The following RMDN2 variants were observed in gnomAD, a reference collection of about 807,000 sequenced individuals.
The protein encoded by RMDN2 is regulator of microtubule dynamics 2, also known as regulator of microtubule dynamics protein 2.
In RMDN2, 61 loss-of-function variants were observed where a neutral mutation model predicts 52.8. That is an observed-to-expected ratio of 1.16 (90% confidence interval 0.94 to 1.43). The LOEUF (loss-of-function observed/expected upper bound fraction) is 1.43. Among genes scored for constraint, RMDN2 ranks in the 40% most tolerant of loss-of-function variants. The pLI is 0.00. For synonymous variants in RMDN2, 180 were observed against 153.1 expected (o/e 1.18, Z -1.30); for missense variants, 592 against 475.3 (o/e 1.25, Z -2.28).
chr2:37,943,478 T>C (rs1403191824), intron 2 of RMDN2, among the ~76,000 whole-genome samples: 1 of 152,254 alleles, frequency 6.6e-6, no homozygotes, highest in African/African-American at 2.4e-5. Flanking sequence ...TTTATTTATC[T>C]TAAAATGTGG....
intron 10 of RMDN2, among the ~76,000 whole-genome samples, chr2:38,027,902 C>T (rs557065462): frequency 6.6e-6 from 1 of 152,174 alleles, no homozygotes; most frequent in Non-Finnish European, 1.5e-5. Context: ...AGACTGGCCC[C>T]ACCATGTAGA....
chr2:38,039,085 CACACACACAG>C lies in RMDN2; in HGVS notation c.1714-27895_1714-27886del, dbSNP rs777230568. Among the ~76,000 whole-genome samples, 274 of 85,846 alleles carry C rather than the reference CACACACACAG, an allele frequency of 3.2e-3. 4 individuals are homozygous for C. Among genetic ancestry groups the C allele is most frequent in the East Asian group, 0.013 (15 of 1,192 alleles). The allele number at this position is 85,846 out of a possible 152,430, so 56.3% of individuals were successfully genotyped here. On this transcript the variant is annotated intron_variant, in intron 10 of 10. Coordinates refer to the RMDN2 transcript ENST00000234195. ...ACACACACACACACACACACACACA[CACACACACAG>C]AGAGAGAGATAAAATGTTCATGGAT...
chr2:38,004,547 C>T (rs1209801674), intron 10 of RMDN2, among the ~76,000 whole-genome samples: 1 of 152,050 alleles, frequency 6.6e-6, no homozygotes, highest in Non-Finnish European at 1.5e-5. Context: ...TAACTACAGT[C>T]ACATTGCTGT....
chr2:38,016,829 C>G (rs945344912), intron 10 of RMDN2, among the ~76,000 whole-genome samples: 4 of 151,660 alleles, frequency 2.6e-5, no homozygotes, highest in African/African-American at 9.7e-5. Context: ...AGGAAGAAAC[C>G]TGTTGGGAAA....
At chr2:37,962,158 A>G (rs1263717170) in intron 2 of RMDN2, among the ~76,000 whole-genome samples, 1 of 152,202 alleles carries the variant, frequency 6.6e-6, no homozygotes, top group Non-Finnish European at 1.5e-5. Context: ...CCTCGTCCGG[A>G]GGCACAAGGG....
rs182559085 is a variant in RMDN2 at position 37,978,140 on chromosome 2, G to T, written c.730+2826G>T. On this transcript the variant is annotated intron_variant, in intron 4 of 10. Transcript: ENST00000354545. Reference sequence around the variant, plus strand: ...TAGAGACCAGCCCGGCCAACACGGTGAAACCCCGTCTCCACCAAAAAATAC... The same window carrying T: ...TAGAGACCAGCCCGGCCAACACGGTTAAACCCCGTCTCCACCAAAAAATAC... Among the ~76,000 whole-genome samples, 38 of 152,322 alleles carry T rather than the reference G, an allele frequency of 2.5e-4. 1 individual carries two copies. Among genetic ancestry groups the T allele is most frequent in the African/African-American group, 7.9e-4 (33 of 41,574 alleles).
intron 2 of RMDN2, among the ~76,000 whole-genome samples, chr2:37,964,242 C>G (rs1473883639): frequency 6.6e-6 from 1 of 152,194 alleles, no homozygotes; most frequent in Non-Finnish European, 1.5e-5. Context: ...GGCGGAGGGG[C>G]TCCTCCATAC....
intron 10 of RMDN2, among the ~76,000 whole-genome samples, chr2:38,006,055 G>T (rs1427622998): frequency 6.6e-6 from 1 of 152,094 alleles, no homozygotes; most frequent in Non-Finnish European, 1.5e-5. Context: ...CTGTTCCATT[G>T]GTCTATATCT....
intron 2 of RMDN2, among the ~76,000 whole-genome samples, chr2:37,959,856 T>C (rs1380299629): frequency 6.6e-6 from 1 of 151,014 alleles, no homozygotes; most frequent in African/African-American, 2.5e-5. Flanking sequence ...TGTATCTTAG[T>C]TCTCATTGGT....
downstream of RMDN2, among the ~76,000 whole-genome samples, chr2:38,019,648 A>G (rs1679189416): frequency 6.6e-6 from 1 of 152,174 alleles, no homozygotes; most frequent in East Asian, 1.9e-4. Context: ...ATACTGTCAT[A>G]TCTGTATTCC....
downstream of RMDN2, among the ~76,000 whole-genome samples, chr2:38,020,244 A>G (rs1679244252): frequency 6.6e-6 from 1 of 152,214 alleles, no homozygotes; most frequent in Non-Finnish European, 1.5e-5. Flanking sequence ...CATAATGTAG[A>G]ACCAGTGGGA....
chr2:37,933,790 A>AGGGGAGAGGGAGAG (rs775079300), intron 2 of RMDN2, among the ~76,000 whole-genome samples: 24,025 of 151,976 alleles, frequency 0.16, 1,970 homozygotes, highest in Non-Finnish European at 0.17. Context: ...GACCGTGGAA[A>AGGGGAGAGGGAGAG]GGGGAGAGGG....
chr2:38,036,174 C>T (rs1680567319), intron 10 of RMDN2: 1 of 152,194 alleles, frequency 6.6e-6, no homozygotes, highest in Admixed American at 6.5e-5. Flanking sequence ...TGATATGTCA[C>T]CCAGGAGCAT....
chr2:37,926,600 A>T (rs983242491), intron 1 of RMDN2, among the ~76,000 whole-genome samples: 28 of 152,138 alleles, frequency 1.8e-4, no homozygotes, highest in African/African-American at 6.5e-4. Context: ...TAATTACTAT[A>T]TTTTTTTATA....
chr2:37,988,411 C>T (rs989558976), intron 5 of RMDN2, among the ~76,000 whole-genome samples: 3 of 152,078 alleles, frequency 2.0e-5, no homozygotes, highest in African/African-American at 7.2e-5. Flanking sequence ...ATATGGTCCT[C>T]CTCCTTGCTT....
chr2:38,032,202 A>G (rs1424485900), intron 10 of RMDN2, among the ~76,000 whole-genome samples: 2 of 152,208 alleles, frequency 1.3e-5, no homozygotes, highest in Admixed American at 6.5e-5. Flanking sequence ...ACCAACATAT[A>G]GAGCATGACC....
intron 10 of RMDN2, among the ~76,000 whole-genome samples, chr2:38,041,624 ACTGAGAGTTTTTG>A (rs1388073616): frequency 1.3e-5 from 2 of 151,950 alleles, no homozygotes; most frequent in Non-Finnish European, 2.9e-5. Context: ...CCTCCTTTTT[ACTGAGAGTTTTTG>A]CTGAGAGTTT....
At position 38,017,412 on chromosome 2, in the gene RMDN2, T is replaced by C. The variant is rs1320271027; in HGVS notation, c.*173T>C. On this transcript the variant is annotated 3_prime_UTR_variant, in exon 11 of 11. Coordinates refer to ENST00000354545, the MANE Select transcript of RMDN2 (RefSeq NM_001170791.3). ...ACTAGTAGCACTACAAAATTAATTATGTTATTTGGAGAATCTATATACTAT... is the reference window on the plus strand; with the variant it reads ...ACTAGTAGCACTACAAAATTAATTACGTTATTTGGAGAATCTATATACTAT... 5.3e-6 allele frequency: 7 copies of C among 1,320,908 alleles called. No individual in the cohort carries two copies. The highest frequency in any genetic ancestry group is 6.9e-6 in the Non-Finnish European group (7 of 1,012,898). 81.8% of individuals were successfully genotyped at this position (1,320,908 alleles called of 1,614,324 possible).
At chr2:38,019,961 A>C (rs1235504212), downstream of RMDN2, among the ~76,000 whole-genome samples, 1 of 152,156 alleles carries the variant, frequency 6.6e-6, no homozygotes, top group Non-Finnish European at 1.5e-5. Flanking sequence ...ATTTAAAAAT[A>C]ATTTTTTAAA....
Sources: gnomAD v4.1 joint callset for allele counts (sites outside exome capture counted in the v4.1 genomes callset) on GRCh38, gnomAD v4.1.1 for gene constraint, MANE v1.5 for transcripts, NCBI Gene and HGNC (gene_info 2026-07-23, HGNC 2026-07-21) for gene names.